Variants in ABTB3 observed in about 807,000 individuals in gnomAD.
ABTB3 encodes ankyrin repeat- and BTB/POZ domain-containing protein 3.
the ABTB3 span, chr12:107,617,369 A>G: frequency 1.9e-6 from 3 of 1,614,146 alleles, no homozygotes; most frequent in South Asian, 2.2e-5. Flanking sequence ...CATGTACAGG[A>G]ATGGAATTTC....
the ABTB3 span, among the ~76,000 whole-genome samples, chr12:107,516,737 A>G: frequency 6.6e-6 from 1 of 152,324 alleles, no homozygotes; most frequent in Non-Finnish European, 1.5e-5. Context: ...TCTTCAAAGG[A>G]GGAGCCTTTG....
At chr12:107,461,093 G>A in the ABTB3 span, among the ~76,000 whole-genome samples, 1 of 152,124 alleles carries the variant, frequency 6.6e-6, no homozygotes, top group South Asian at 2.1e-4. Flanking sequence ...CGTCCTACAT[G>A]GTGGCAGGCA....
the ABTB3 span, among the ~76,000 whole-genome samples, chr12:107,391,570 T>C: frequency 6.6e-6 from 1 of 152,326 alleles, no homozygotes; most frequent in Admixed American, 6.5e-5. Flanking sequence ...CCTCAAGACT[T>C]AGAGAGGCAA....
the ABTB3 span, among the ~76,000 whole-genome samples, chr12:107,489,352 C>T: frequency 1.3e-5 from 2 of 152,166 alleles, no homozygotes; most frequent in Non-Finnish European, 2.9e-5. Flanking sequence ...GAAACCCCAT[C>T]TCTACTAAAA....
the ABTB3 span, chr12:107,374,944 G>A: frequency 6.6e-6 from 1 of 152,218 alleles, no homozygotes; most frequent in Non-Finnish European, 1.5e-5. Flanking sequence ...TTCTCTCTTG[G>A]GCCCTGAATG....
At chr12:107,574,328 C>T in the ABTB3 span, among the ~76,000 whole-genome samples, 1 of 152,228 alleles carries the variant, frequency 6.6e-6, no homozygotes, top group Non-Finnish European at 1.5e-5. Context: ...AATTCACCTT[C>T]CCTGGTTTCT....
the ABTB3 span, among the ~76,000 whole-genome samples, chr12:107,340,064 T>C: frequency 2.0e-5 from 3 of 151,940 alleles, no homozygotes; most frequent in Non-Finnish European, 4.4e-5. Context: ...AACCAGACTT[T>C]TTTTTTTTGC....
chr12:107,618,360 A>T, the ABTB3 span: 1 of 1,613,082 alleles, frequency 6.2e-7, no homozygotes, highest in Middle Eastern at 1.7e-4. Flanking sequence ...GGATGTCACA[A>T]TTGATATCAG....
chr12:107,470,002 TTCTTTCTTTCTC>T, the ABTB3 span, among the ~76,000 whole-genome samples: 40 of 56,802 alleles, frequency 7.0e-4, 3 homozygotes, highest in East Asian at 2.1e-3. Flanking sequence ...CTTTCTTTCT[TTCTTTCTTTCTC>T]TCTCTCTCTC....
At chr12:107,351,325 G>A in the ABTB3 span, among the ~76,000 whole-genome samples, 29 of 152,280 alleles carry the variant, frequency 1.9e-4, no homozygotes, top group East Asian at 5.6e-3. Flanking sequence ...ATTGCAAAAC[G>A]CTTGAGCCTT....
At chr12:107,630,235 C>T in the ABTB3 span, among the ~76,000 whole-genome samples, 2 of 152,142 alleles carry the variant, frequency 1.3e-5, no homozygotes, top group African/African-American at 2.4e-5. Context: ...GTCCAGCTCC[C>T]GGGAACCAGC....
chr12:107,612,724 T>C, the ABTB3 span: 1 of 1,488,524 alleles, frequency 6.7e-7, no homozygotes, highest in Non-Finnish European at 9.2e-7. Flanking sequence ...TTATTGTCGA[T>C]TGACCACAGC....
the ABTB3 span, among the ~76,000 whole-genome samples, chr12:107,323,955 G>T: frequency 6.6e-6 from 1 of 152,180 alleles, no homozygotes; most frequent in African/African-American, 2.4e-5. Flanking sequence ...GGCCTCTGGT[G>T]TTGGACCTCT....
chr12:107,613,361 C>T, the ABTB3 span, among the ~76,000 whole-genome samples: 1 of 152,154 alleles, frequency 6.6e-6, no homozygotes, highest in Non-Finnish European at 1.5e-5. Flanking sequence ...ACCTTGTTGC[C>T]TGAGTTGACA....
chr12:107,443,850 G>A, the ABTB3 span, among the ~76,000 whole-genome samples: 143 of 152,298 alleles, frequency 9.4e-4, no homozygotes, highest in Non-Finnish European at 1.5e-3. Flanking sequence ...CCTGCCCTCG[G>A]AAAGGACTGA....
the ABTB3 span, among the ~76,000 whole-genome samples, chr12:107,324,411 T>C: frequency 2.0e-5 from 3 of 152,172 alleles, no homozygotes; most frequent in African/African-American, 7.2e-5. Flanking sequence ...GGAAGATTGC[T>C]TGGGGCCAGG....
chr12:107,562,319 G>A, the ABTB3 span, among the ~76,000 whole-genome samples: 1 of 152,230 alleles, frequency 6.6e-6, no homozygotes, highest in Admixed American at 6.5e-5. Context: ...AACAACTTCT[G>A]AAAAGTGCTA....
the ABTB3 span, chr12:107,520,635 G>T: frequency 6.2e-7 from 1 of 1,614,096 alleles, no homozygotes; most frequent in South Asian, 1.1e-5. Flanking sequence ...TCGCCGAATT[G>T]AGTAAGTAGA....
the ABTB3 span, among the ~76,000 whole-genome samples, chr12:107,440,862 G>A: frequency 6.6e-6 from 1 of 152,166 alleles, no homozygotes; most frequent in Non-Finnish European, 1.5e-5. Flanking sequence ...CTGGGCCAAG[G>A]GCATGAAATA....
Sources: gnomAD v4.1 joint callset for allele counts (sites outside exome capture counted in the v4.1 genomes callset) on GRCh38, gnomAD v4.1.1 for gene constraint, MANE v1.5 for transcripts, NCBI Gene and HGNC (gene_info 2026-07-23, HGNC 2026-07-21) for gene names.